The following SNTG1 variants were observed in gnomAD, a reference collection of about 807,000 sequenced individuals.
SNTG1 encodes syntrophin gamma 1.
A neutral mutation model predicts 74.7 loss-of-function variants in SNTG1; 39 were observed. That is an observed-to-expected ratio of 0.52 (90% CI 0.40 to 0.68). The LOEUF (loss-of-function observed/expected upper bound fraction) is 0.68. SNTG1 is among the 30% of genes least tolerant of loss of function. SNTG1 has a pLI of 0.00. For missense variants in SNTG1, 685 were observed against 609.5 expected (o/e 1.12, Z -1.30); for synonymous variants, 254 against 217.1 (o/e 1.17, Z -1.49).
rs5891369 is a variant in SNTG1, at chr8:50,471,244, A to ATT, written c.363+20527_363+20528dup. Among the ~76,000 whole-genome samples, 590 of 147,422 alleles carry ATT rather than the reference A, an allele frequency of 4.0e-3. 5 individuals are homozygous for ATT. Among genetic ancestry groups the ATT allele is most frequent in the African/African-American group, 9.5e-3 (380 of 40,158 alleles). On this transcript the variant is annotated intron_variant, in intron 8 of 18. Coordinates refer to ENST00000642720, the MANE Select transcript of SNTG1 (RefSeq NM_018967.5). ...AAGCAAGGTGTTTAAAAATCATATA[A>ATT]TTTTTTTTTTTTTGGAGACACCCTT...
chr8:50,268,361 T>G (rs967622729), intron 2 of SNTG1, among the ~76,000 whole-genome samples: 1 of 152,150 alleles, frequency 6.6e-6, no homozygotes, highest in Non-Finnish European at 1.5e-5. Context: ...ATCTATAGAT[T>G]TAATATCCAT....
intron 8 of SNTG1, among the ~76,000 whole-genome samples, chr8:50,500,244 G>A (rs1461988110): frequency 7.1e-6 from 1 of 139,912 alleles, no homozygotes; most frequent in Non-Finnish European, 1.6e-5. Flanking sequence ...TTTTTTTTTG[G>A]TCTATATACT....
intron 2 of SNTG1, among the ~76,000 whole-genome samples, chr8:50,270,173 A>T (rs1183693188): frequency 6.6e-6 from 1 of 152,198 alleles, no homozygotes; most frequent in African/African-American, 2.4e-5. Context: ...ATATATGATG[A>T]CAGCAGAAAA....
chr8:50,014,568 T>A (rs1459788619), intron 1 of SNTG1, among the ~76,000 whole-genome samples: 1 of 152,164 alleles, frequency 6.6e-6, no homozygotes, highest in East Asian at 1.9e-4. Context: ...CTCACTGACC[T>A]TACGGTCCTC....
chr8:50,085,576 G>A (rs1822810024), intron 1 of SNTG1, among the ~76,000 whole-genome samples: 1 of 152,176 alleles, frequency 6.6e-6, no homozygotes, highest in African/African-American at 2.4e-5. Flanking sequence ...CTCCTCTAGT[G>A]TTAATTTCAT....
At chr8:50,263,173 TTG>T (rs1441217927) in intron 2 of SNTG1, among the ~76,000 whole-genome samples, 3 of 152,160 alleles carry the variant, frequency 2.0e-5, no homozygotes, top group African/African-American at 7.2e-5. Flanking sequence ...GTGGGAGATA[TTG>T]ATAAGGGGAT....
At chr8:50,554,159 C>T (rs576300296) in intron 12 of SNTG1, among the ~76,000 whole-genome samples, 14 of 152,238 alleles carry the variant, frequency 9.2e-5, no homozygotes, top group East Asian at 1.9e-4. Flanking sequence ...CTTTCTAAAA[C>T]GACAGGAGGA....
chr8:50,341,053 T>C (rs891825084), intron 2 of SNTG1, among the ~76,000 whole-genome samples: 7 of 151,956 alleles, frequency 4.6e-5, no homozygotes, highest in Admixed American at 4.6e-4. Context: ...GTTTGAGTTT[T>C]ACTTAATTCA....
chr8:50,555,803 G>C (rs1218139006), intron 12 of SNTG1, among the ~76,000 whole-genome samples: 3 of 152,098 alleles, frequency 2.0e-5, no homozygotes, highest in African/African-American at 7.2e-5. Context: ...TAAAAATTAT[G>C]CTATTGAAAT....
intron 1 of SNTG1, among the ~76,000 whole-genome samples, chr8:50,153,519 C>T (rs558068864): frequency 4.5e-4 from 68 of 152,228 alleles, no homozygotes; most frequent in African/African-American, 1.5e-3. Flanking sequence ...TGTTTTTTCC[C>T]CATCTTTGTG....
chr8:50,427,282 A>T (rs1268454974), intron 4 of SNTG1, among the ~76,000 whole-genome samples: 1 of 152,196 alleles, frequency 6.6e-6, no homozygotes, highest in African/African-American at 2.4e-5. Context: ...CAATTTTACT[A>T]AGTAAGCTTT....
intron 2 of SNTG1, among the ~76,000 whole-genome samples, chr8:50,388,899 G>C (rs569643194): frequency 2.0e-4 from 30 of 152,270 alleles, no homozygotes; most frequent in African/African-American, 6.5e-4. Context: ...CAAATATCAA[G>C]CACTTATTTG....
At chr8:50,399,840 A>G (rs1467481174) in intron 3 of SNTG1, among the ~76,000 whole-genome samples, 1 of 152,208 alleles carries the variant, frequency 6.6e-6, no homozygotes, top group Non-Finnish European at 1.5e-5. Context: ...TCCTCTAGAT[A>G]TATTCACTTA....
chr8:50,716,385 T>G (rs1585625685), intron 17 of SNTG1, among the ~76,000 whole-genome samples: 1 of 152,176 alleles, frequency 6.6e-6, no homozygotes, highest in East Asian at 1.9e-4. Flanking sequence ...CACATAAATC[T>G]TAGCATTTTA....
In SNTG1 at chr8:50,780,097, T is replaced by G. The variant is rs1216789932; in HGVS notation, c.1396-12574T>G. ...AAGCTTTTTGATGTGCTGCTGGATT[T>G]GGTTTGCCAGTATTTTATTGAGGAT... On this transcript the variant is annotated intron_variant, in intron 18 of 18. Transcript: ENST00000642720. Among the ~76,000 whole-genome samples the G allele has an allele frequency of 2.0e-5, 3 of 152,056 alleles. No homozygotes were observed. The East Asian group carries it at 5.8e-4, about 29-fold the overall frequency.
chr8:50,621,325 A>C (rs762349828), intron 13 of SNTG1, among the ~76,000 whole-genome samples: 17 of 152,158 alleles, frequency 1.1e-4, no homozygotes, highest in Non-Finnish European at 1.8e-4. Context: ...CACTACCCCA[A>C]GATACGGCCT....
chr8:50,315,339 C>T (rs28645426), intron 2 of SNTG1, among the ~76,000 whole-genome samples: 20,021 of 149,550 alleles, frequency 0.13, 2,011 homozygotes, highest in Middle Eastern at 0.16. Context: ...ATATGAGTAA[C>T]TACTTTTAAA....
chr8:50,468,010 A>ATT (rs1330153155), intron 8 of SNTG1, among the ~76,000 whole-genome samples: 1 of 84,290 alleles, frequency 1.2e-5, no homozygotes, highest in African/African-American at 2.9e-5. Context: ...TGTATAATAA[A>ATT]TATTTTTTTT....
chr8:50,605,194 G>A (rs1260943666), intron 13 of SNTG1, among the ~76,000 whole-genome samples: 2 of 152,184 alleles, frequency 1.3e-5, no homozygotes, highest in Non-Finnish European at 2.9e-5. Flanking sequence ...TCTGTGAGCT[G>A]CACAGCCTGA....
Sources: gnomAD v4.1 joint callset for allele counts (sites outside exome capture counted in the v4.1 genomes callset) on GRCh38, gnomAD v4.1.1 for gene constraint, MANE v1.5 for transcripts, NCBI Gene and HGNC (gene_info 2026-07-23, HGNC 2026-07-21) for gene names.